Variants in KIAA0513 observed in about 807,000 individuals in gnomAD.
The protein encoded by KIAA0513 is uncharacterized protein KIAA0513.
In KIAA0513, 39 loss-of-function variants were observed where a neutral mutation model predicts 56.5. The ratio of observed to expected loss-of-function variants is 0.69; its 90% CI spans 0.53 to 0.90. The LOEUF (loss-of-function observed/expected upper bound fraction) is 0.90. Ranked by LOEUF, KIAA0513 falls within the 40% of genes least tolerant of loss-of-function variation. The pLI, the probability that KIAA0513 is intolerant of heterozygous loss-of-function variation, is 0.00. For synonymous variants in KIAA0513, 268 were observed against 215.6 expected, an observed-to-expected ratio of 1.24 and a Z score of -2.13; for missense variants, 591 against 535.2, an observed-to-expected ratio of 1.10 and a Z score of -1.03.
Position 85,088,355 on chromosome 16 carries a change from T to G in KIAA0513, c.*30T>G. ...CAGAGGTCGCACTCCGCAGGAGGACTGAGGCCATGTGCCATTCTCCCGGGC... is the reference window on the plus strand; with the variant it reads ...CAGAGGTCGCACTCCGCAGGAGGACGGAGGCCATGTGCCATTCTCCCGGGC... On this transcript the variant is annotated 3_prime_UTR_variant, in exon 13 of 13. Transcript: ENST00000683363. The G allele has an allele frequency of 6.3e-7, 1 of 1,596,140 alleles. No individual in the cohort carries two copies. Among genetic ancestry groups the G allele is most frequent in the Non-Finnish European group, 8.5e-7 (1 of 1,171,148 alleles).
intron 1 of KIAA0513, among the ~76,000 whole-genome samples, chr16:85,028,283 A>T (rs931919061): frequency 6.6e-6 from 1 of 152,136 alleles, no homozygotes; most frequent in African/African-American, 2.4e-5. Context: ...CTGCAAGGGC[A>T]TTCTGGGGAG....
rs943765066 is a variant in KIAA0513 at position 85,076,159 on chromosome 16, A to G, written c.574+245A>G. On this transcript the variant is annotated intron_variant, in intron 5 of 12. Coordinates refer to ENST00000683363, the MANE Select transcript of KIAA0513 (RefSeq NM_001388359.1). This position sits in a 1 kb window ranked among gnomAD's most constrained non-coding sequence, Gnocchi z 4.7. ...CAGTAGGTTGACTGACCAGGGTGCA[A>G]AGGAAACTCCTGAGCTGGTAGGAGA... 2.0e-5 allele frequency among the ~76,000 whole-genome samples: 3 copies of G among 152,150 alleles called. No individual in the cohort carries two copies. Among genetic ancestry groups the G allele is most frequent in the Non-Finnish European group, 2.9e-5 (2 of 68,010 alleles).
rs1223532726 is a variant in KIAA0513, at chr16:85,076,088, G to A, written c.574+174G>A. On this transcript the variant is annotated intron_variant, in intron 5 of 12. Coordinates refer to ENST00000683363, the MANE Select transcript of KIAA0513 (RefSeq NM_001388359.1). This position sits in a 1 kb window ranked among gnomAD's most constrained non-coding sequence, Gnocchi z 4.7. ...CGGAGAAAACACAGTCCGAATCATG[G>A]GGCAGGAGGTTGACTGCCCAGGGTA... Among the ~76,000 whole-genome samples, 2 of 152,144 alleles carry A rather than the reference G, an allele frequency of 1.3e-5. No homozygotes were observed. The highest frequency in any genetic ancestry group is 1.3e-4 in the Admixed American group (2 of 15,276).
chr16:85,069,720 C>T (rs1430082642), intron 2 of KIAA0513, among the ~76,000 whole-genome samples: 1 of 152,008 alleles, frequency 6.6e-6, no homozygotes, highest in East Asian at 1.9e-4. Context: ...ATTGGCATCT[C>T]CTGGGAGCTT....
rs946653840 is a variant in KIAA0513 at position 85,092,740 on chromosome 16, G to A, written c.*4415G>A. 4 of 152,402 alleles carry A rather than the reference G, an allele frequency of 2.6e-5. No homozygotes were observed. Among genetic ancestry groups the A allele is most frequent in the Non-Finnish European group, 5.9e-5 (4 of 68,110 alleles). The allele number at this position is 152,402 out of a possible 1,614,324, so 9.4% of individuals were successfully genotyped here. On this transcript the variant is annotated 3_prime_UTR_variant, in exon 13 of 13. Transcript: ENST00000683363. Reference sequence around the variant, plus strand: ...CACTTTTTCCCAGCTGCGTCCACAGGAAAGGGGAGTCGGATGCCAGCTGCA... The same window carrying A: ...CACTTTTTCCCAGCTGCGTCCACAGAAAAGGGGAGTCGGATGCCAGCTGCA...
chr16:85,064,248 C>T (rs1402875566), intron 1 of KIAA0513, among the ~76,000 whole-genome samples: 1 of 152,062 alleles, frequency 6.6e-6, no homozygotes, highest in African/African-American at 2.4e-5. Context: ...TCAGGTGATC[C>T]ACCCGCCTCA....
At chr16:85,040,636 G>C (rs2073093027) in intron 1 of KIAA0513, among the ~76,000 whole-genome samples, 1 of 152,176 alleles carries the variant, frequency 6.6e-6, no homozygotes, top group African/African-American at 2.4e-5. Flanking sequence ...AAACTTGAGA[G>C]GTTCCACGCA....
intron 1 of KIAA0513, among the ~76,000 whole-genome samples, chr16:85,044,646 A>C (rs545968642): frequency 6.6e-6 from 1 of 151,944 alleles, no homozygotes; most frequent in Non-Finnish European, 1.5e-5. Flanking sequence ...AGCTGGGACT[A>C]CAGGCGCGTG....
chr16:85,082,442 T>C, intron 9 of KIAA0513, 122 bp from the exon 10 acceptor site: 1 of 915,352 alleles, frequency 1.1e-6, no homozygotes, highest in Non-Finnish European at 1.7e-6. Context: ...TTCCTGTCTT[T>C]CTCTGTCCCG....
chr16:85,069,426 G>A (rs965671002), intron 2 of KIAA0513, among the ~76,000 whole-genome samples: 3 of 152,064 alleles, frequency 2.0e-5, no homozygotes, highest in Non-Finnish European at 2.9e-5. Flanking sequence ...CTGGATGGCC[G>A]TTCTTTTGTG....
At chr16:85,036,484 T>G (rs149339765) in intron 1 of KIAA0513, among the ~76,000 whole-genome samples, 3 of 152,322 alleles carry the variant, frequency 2.0e-5, no homozygotes, top group Admixed American at 6.5e-5. Flanking sequence ...GTAGCACGTG[T>G]CCATCCTTTG....
chr16:85,078,951 A>G lies in KIAA0513; in HGVS notation c.850A>G (p.Lys284Glu). 1 of 1,614,098 alleles carries G rather than the reference A, an allele frequency of 6.2e-7. No homozygotes were observed. Among genetic ancestry groups the G allele is most frequent in the Non-Finnish European group, 8.5e-7 (1 of 1,180,024 alleles). ...AVTAYSPEDE[K>E]KGEKIYLYTH... Reference sequence around the variant, plus strand: ...GACCGCGTACAGCCCCGAGGACGAAAAGAAGGGGGAGAAGATCTACCTGTA... The same window carrying G: ...GACCGCGTACAGCCCCGAGGACGAAGAGAAGGGGGAGAAGATCTACCTGTA... Residue 284 changes from lysine to glutamate, a missense_variant, in exon 8 of 13, where the codon AAG (lysine) becomes GAG (glutamate). Transcript: ENST00000683363.
rs1453629186 is a variant in KIAA0513, at chr16:85,090,635, C to T, written c.*2310C>T. 1.3e-5 allele frequency: 2 copies of T among 152,310 alleles called. No homozygotes were observed. The highest frequency in any genetic ancestry group is 2.9e-5 in the Non-Finnish European group (2 of 68,122). 9.4% of individuals were successfully genotyped at this position (152,310 alleles called of 1,614,324 possible). ...TCTTTGTTTGTTTGTTTGTTTCCCC[C>T]TTTACTACCTGTTCTTGTAGATCTA... On this transcript the variant is annotated 3_prime_UTR_variant, in exon 13 of 13. Transcript: ENST00000683363.
chr16:85,080,378 A>G (rs948733861), intron 8 of KIAA0513, among the ~76,000 whole-genome samples: 3 of 152,192 alleles, frequency 2.0e-5, no homozygotes, highest in East Asian at 1.9e-4. Flanking sequence ...CGTGAACACC[A>G]CCAGAGACGT....
At position 85,081,500 on chromosome 16, in the gene KIAA0513, C is replaced by T; in HGVS notation, c.980+108C>T. 1 of 1,000,494 alleles carries T rather than the reference C, an allele frequency of 1.0e-6. No homozygotes were observed. The highest frequency in any genetic ancestry group is 1.4e-5 in the South Asian group (1 of 72,422). The allele number at this position is 1,000,494 out of a possible 1,614,324, so 62.0% of individuals were successfully genotyped here. ...CAGAAGAGCAGCTGAGTGGACGTGT[C>T]TGTTTTTTCTTCACCCCCTCATGGC... On this transcript the variant is annotated intron_variant, in intron 9 of 12. Coordinates refer to ENST00000683363, the MANE Select transcript of KIAA0513 (RefSeq NM_001388359.1). The surrounding 1 kb of genome is among the most constrained non-coding windows in gnomAD (Gnocchi z 4.4).
At chr16:85,030,418 C>A (rs2072947986) in intron 1 of KIAA0513, among the ~76,000 whole-genome samples, 1 of 152,074 alleles carries the variant, frequency 6.6e-6, no homozygotes, top group Non-Finnish European at 1.5e-5. Flanking sequence ...TTATATGTGG[C>A]ATTGTATGCA....
At chr16:85,072,706 C>A (rs1038011711) in intron 3 of KIAA0513, among the ~76,000 whole-genome samples, 3 of 152,162 alleles carry the variant, frequency 2.0e-5, no homozygotes. Flanking sequence ...CGAGGGGAAC[C>A]CCTGCATGTG....
intron 2 of KIAA0513, among the ~76,000 whole-genome samples, chr16:85,071,032 G>T (rs967685815): frequency 6.6e-6 from 1 of 152,220 alleles, no homozygotes; most frequent in African/African-American, 2.4e-5. Context: ...CATAAATGAA[G>T]ATTGCATAAG....
intron 1 of KIAA0513, among the ~76,000 whole-genome samples, chr16:85,050,712 G>T (rs2143919987): frequency 6.6e-6 from 1 of 152,332 alleles, no homozygotes; most frequent in East Asian, 1.9e-4. Flanking sequence ...GTAGAGTTGG[G>T]TTTGTTGTGG....
Sources: gnomAD v4.1 joint callset for allele counts (sites outside exome capture counted in the v4.1 genomes callset) on GRCh38, gnomAD v4.1.1 for gene constraint, Gnocchi (gnomAD v3.1) non-coding constraint, MANE v1.5 for transcripts, NCBI Gene and HGNC (gene_info 2026-07-23, HGNC 2026-07-21) for gene names.